The following GORAB variants were observed in gnomAD, a reference collection of about 807,000 sequenced individuals.
GORAB encodes RAB6-interacting golgin.
A neutral mutation model predicts 29.9 loss-of-function variants in GORAB; 17 were observed. That is an observed-to-expected ratio of 0.57 (90% confidence interval 0.39 to 0.85). The LOEUF (loss-of-function observed/expected upper bound fraction) is 0.85, where lower values mean the gene tolerates loss of function less well. Ranked by LOEUF, GORAB falls within the 40% of genes least tolerant of loss-of-function variation. The probability of loss-of-function intolerance (pLI) is 0.00; values close to 1 mark genes in which losing one functional copy is unlikely to be tolerated. For synonymous variants in GORAB, 183 were observed against 157.2 expected (o/e 1.16, Z -1.23); for missense variants, 442 against 437.8 (o/e 1.01, Z -0.09).
intron 4 of GORAB, among the ~76,000 whole-genome samples, chr1:170,549,569 G>C (rs1423063825): frequency 1.3e-5 from 2 of 152,166 alleles, no homozygotes; most frequent in Non-Finnish European, 2.9e-5. Context: ...GGAGGTTTGA[G>C]GCAGGGTCAG....
At chr1:170,548,759 G>T (rs1649914008) in intron 4 of GORAB, among the ~76,000 whole-genome samples, 1 of 152,038 alleles carries the variant, frequency 6.6e-6, no homozygotes, top group South Asian at 2.1e-4. Context: ...AAGTAATGAT[G>T]AAATAATTCC....
intron 3 of GORAB, among the ~76,000 whole-genome samples, chr1:170,543,647 G>GT (rs1649579398): frequency 8.5e-6 from 1 of 118,064 alleles, no homozygotes; most frequent in African/African-American, 2.7e-5. Flanking sequence ...TTTTTTTTTG[G>GT]TAAGTGATTA....
chr1:170,544,806 A>T lies in GORAB; in HGVS notation c.623A>T (p.Asn208Ile). The change falls in exon 4 of 5, where the codon AAC becomes ATC. Residue 208 changes from asparagine (N) to isoleucine (I), a missense_variant. Asn to Ile is a moderately radical substitution (Grantham distance 149). Coordinates refer to ENST00000367763, the MANE Select transcript of GORAB (RefSeq NM_152281.3). ...MVSADIGILRNRIDQASLDYS... is the reference protein window; with the variant it reads ...MVSADIGILRIRIDQASLDYS... ...TCAGCTGACATTGGAATTCTCAGGA[A>T]CCGGATTGATCAGGCCAGCTTAGAC... is the stretch of plus-strand genomic sequence containing the variant. 6.2e-7 allele frequency: 1 copy of T among 1,614,050 alleles called. No homozygotes were observed. Among genetic ancestry groups the T allele is most frequent in the Non-Finnish European group, 8.5e-7 (1 of 1,179,918 alleles).
At chr1:170,532,460 C>T in intron 1 of GORAB, 176 bp downstream of exon 1, 1 of 676,974 alleles carries the variant, frequency 1.5e-6, no homozygotes, top group South Asian at 1.7e-5. Flanking sequence ...GGAGTCACGA[C>T]GGGAGGGGCA....
In GORAB at chr1:170,548,618, A is replaced by G. The variant is rs56656192; in HGVS notation, c.663-3397A>G. Reference sequence around the variant, plus strand: ...AAAATGGTGTTTTCAGTCTTCTTTTATACTTTCTGGAGGTGACATGATACT... The same window carrying G: ...AAAATGGTGTTTTCAGTCTTCTTTTGTACTTTCTGGAGGTGACATGATACT... On this transcript the variant is annotated intron_variant, in intron 4 of 4. Coordinates refer to ENST00000367763, the MANE Select transcript of GORAB (RefSeq NM_152281.3). Among the ~76,000 whole-genome samples, 757 of 152,328 alleles carry G rather than the reference A, an allele frequency of 5.0e-3. 5 individuals are homozygous for G. The highest frequency in any genetic ancestry group is 0.017 in the African/African-American group (724 of 41,580).
intron 4 of GORAB, chr1:170,545,050 C>T (rs1407123972): frequency 3.4e-5 from 44 of 1,285,692 alleles, no homozygotes; most frequent in African/African-American, 3.0e-5. Flanking sequence ...TAACCTTGTT[C>T]GTGTGCCATT....
chr1:170,552,942 AG>A lies in GORAB; in HGVS notation c.*482del, dbSNP rs1650219641. ...AACAGGAATAGAAGAAAAAAGTTGC[AG>A]GTTGAATTATCTATCTGGATATTAC... is the stretch of plus-strand genomic sequence containing the variant. On this transcript the variant is annotated 3_prime_UTR_variant, in exon 5 of 5. Coordinates refer to ENST00000367763, the MANE Select transcript of GORAB (RefSeq NM_152281.3). The A allele has an allele frequency of 2.2e-6, 1 of 449,534 alleles. No homozygotes were observed. The highest frequency in any genetic ancestry group is 4.4e-6 in the Non-Finnish European group (1 of 225,752). The allele number at this position is 449,534 out of a possible 1,614,324, so 27.8% of individuals were successfully genotyped here.
chr1:170,550,753 C>CAT (rs1650053508), intron 4 of GORAB, among the ~76,000 whole-genome samples: 2 of 152,278 alleles, frequency 1.3e-5, no homozygotes, highest in South Asian at 2.1e-4. Context: ...TGTAGGCACT[C>CAT]ATAACAGGTA....
rs781649140 is a variant in GORAB at position 170,552,552 on chromosome 1, TA to T, written c.*94del. ...CCCTGACCTCCAATAAAAACCTCTTTAAAACAATGCTGATTTTTGAATTCAT... is the reference window on the plus strand; with the variant it reads ...CCCTGACCTCCAATAAAAACCTCTTTAAACAATGCTGATTTTTGAATTCAT... On this transcript the variant is annotated 3_prime_UTR_variant, in exon 5 of 5. Coordinates refer to ENST00000367763, the MANE Select transcript of GORAB (RefSeq NM_152281.3). The T allele has an allele frequency of 7.6e-6, 8 of 1,053,642 alleles. No individual in the cohort carries two copies. The highest frequency in any genetic ancestry group is 1.0e-5 in the Non-Finnish European group (7 of 679,468). The allele number at this position is 1,053,642 out of a possible 1,614,324, so 65.3% of individuals were successfully genotyped here. A position where few individuals can be genotyped will look rare whatever the true frequency, so the allele number is the denominator to read the frequency against.
chr1:170,552,409 C>A lies in GORAB; in HGVS notation c.1057C>A (p.Pro353Thr). 6.2e-7 allele frequency: 1 copy of A among 1,614,010 alleles called. No individual in the cohort carries two copies. The highest frequency in any genetic ancestry group is 1.1e-5 in the South Asian group (1 of 91,058). Residue 353 changes from proline (P) to threonine (T), a missense_variant, in exon 5 of 5, where the codon CCA becomes ACA. Coordinates refer to ENST00000367763, the MANE Select transcript of GORAB (RefSeq NM_152281.3). ...GNSSSIPFLS[P>T]NCPNQEGNDI... ...TTCCAGTAGCATCCCCTTTCTTAGT[C>A]CAAACTGCCCAAATCAAGAAGGTAA...
intron 4 of GORAB, among the ~76,000 whole-genome samples, chr1:170,551,568 G>C (rs919034825): frequency 4.6e-5 from 7 of 152,078 alleles, no homozygotes; most frequent in Non-Finnish European, 7.4e-5. Context: ...AGCTTACCCT[G>C]GTTCATGTGG....
intron 4 of GORAB, 163 bp downstream of exon 4, chr1:170,545,008 A>G: frequency 7.3e-7 from 1 of 1,362,898 alleles, no homozygotes; most frequent in Non-Finnish European, 9.5e-7. Flanking sequence ...TCTCCTCTTC[A>G]GTGAAGTCTT....
chr1:170,533,585 C>G (rs1353989355), intron 1 of GORAB: 3 of 454,128 alleles, frequency 6.6e-6, no homozygotes, highest in Admixed American at 2.3e-5. Context: ...CTCACTCTGC[C>G]GGGGATTGGA....
At position 170,535,603 on chromosome 1, in the gene GORAB, C is replaced by T. The variant is rs150364330; in HGVS notation, c.61+3319C>T. The stretch of plus-strand genomic sequence containing the variant: ...TTGCCCAGGCTGAAGTGCAGTAGCA[C>T]GATCATAGTTCACTATAACCTTGAA... On this transcript the variant is annotated intron_variant, in intron 1 of 4. Coordinates refer to ENST00000367763, the MANE Select transcript of GORAB (RefSeq NM_152281.3). Among the ~76,000 whole-genome samples the T allele has an allele frequency of 2.9e-3, 436 of 152,258 alleles. 3 individuals are homozygous for T. The highest frequency in any genetic ancestry group is 9.5e-3 in the African/African-American group (395 of 41,542).
At chr1:170,537,606 A>G (rs2101818851) in intron 1 of GORAB, among the ~76,000 whole-genome samples, 1 of 152,236 alleles carries the variant, frequency 6.6e-6, no homozygotes, top group East Asian at 1.9e-4. Context: ...AATTGTAATC[A>G]TAAAAATCAA....
intron 4 of GORAB, among the ~76,000 whole-genome samples, chr1:170,550,658 G>A (rs1158909799): frequency 6.6e-6 from 1 of 152,158 alleles, no homozygotes; most frequent in East Asian, 1.9e-4. Flanking sequence ...TTTCTTCCAA[G>A]ACAGAGAATC....
intron 4 of GORAB, chr1:170,545,162 A>G: frequency 2.9e-6 from 3 of 1,040,630 alleles, no homozygotes; most frequent in Non-Finnish European, 3.5e-6. Flanking sequence ...AGCATCTAGC[A>G]AAGTAAATAT....
intron 1 of GORAB, chr1:170,533,602 T>C (rs1648854855): frequency 2.2e-6 from 1 of 451,668 alleles, no homozygotes; most frequent in African/African-American, 2.0e-5. Context: ...TGGATGGAGC[T>C]TGGGAAGATT....
At chr1:170,533,204 G>A (rs564670109) in intron 1 of GORAB, among the ~76,000 whole-genome samples, 80 of 152,312 alleles carry the variant, frequency 5.3e-4, no homozygotes, top group Admixed American at 6.5e-4. Context: ...GAAATTGGAT[G>A]TTGCTCTGGT....
Sources: allele counts gnomAD v4.1 joint callset (sites outside exome capture counted in the v4.1 genomes callset), GRCh38; gene constraint gnomAD v4.1.1; transcripts MANE v1.5; gene names NCBI Gene and HGNC (gene_info 2026-07-23, HGNC 2026-07-21).